Variants in GREB1 observed in about 807,000 individuals in gnomAD.
GREB1 encodes the protein protein GREB1.
In GREB1, 106 loss-of-function variants were observed where a neutral mutation model predicts 200.7. That is an observed-to-expected ratio of 0.53 (90% CI 0.45 to 0.62). GREB1 has a LOEUF of 0.62. Ranked by LOEUF, GREB1 falls within the 20% of genes least tolerant of loss-of-function variation. The probability of loss-of-function intolerance (pLI) is 0.00; values close to 1 mark genes in which losing one functional copy is unlikely to be tolerated. For synonymous variants in GREB1, 1,132 were observed against 1,092.4 expected, an observed-to-expected ratio of 1.04 and a Z score of -0.72; for missense variants, 2,243 against 2,556.8, an observed-to-expected ratio of 0.88 and a Z score of 2.65.
chr2:11,585,116 C>T (rs539573462), intron 7 of GREB1, 45 bp from the exon 8 acceptor site: 2 of 1,053,248 alleles, frequency 1.9e-6, no homozygotes. Context: ...TTTATTGGAG[C>T]CCTGTCCTGG....
At chr2:11,621,049 T>A in intron 23 of GREB1, 42 bp downstream of exon 23, 2 of 1,068,808 alleles carry the variant, frequency 1.9e-6, no homozygotes, top group Non-Finnish European at 2.9e-6. Context: ...GGAGCCACCT[T>A]CATCACTTTC....
intron 1 of GREB1, among the ~76,000 whole-genome samples, chr2:11,555,889 T>C (rs61222790): frequency 0.038 from 5,763 of 152,228 alleles, 232 homozygotes; most frequent in African/African-American, 0.092. Flanking sequence ...CTCAATTAAG[T>C]TGCTACAGAA....
chr2:11,571,862 C>G (rs1048694231), intron 4 of GREB1, among the ~76,000 whole-genome samples: 3 of 152,160 alleles, frequency 2.0e-5, no homozygotes, highest in Non-Finnish European at 2.9e-5. Context: ...AGGCGCCCAC[C>G]ACCACACCCA....
At chr2:11,568,283 A>C (rs1316043487) in intron 4 of GREB1, among the ~76,000 whole-genome samples, 2 of 152,206 alleles carry the variant, frequency 1.3e-5, no homozygotes, top group African/African-American at 2.4e-5. Context: ...CAAAGGATGA[A>C]GAATGGAGAG....
At chr2:11,590,407 G>A (rs557511261) in intron 10 of GREB1, among the ~76,000 whole-genome samples, 12 of 152,132 alleles carry the variant, frequency 7.9e-5, no homozygotes, top group Non-Finnish European at 1.2e-4. Context: ...CTGCCTCCTG[G>A]TCCCACCTGC....
chr2:11,532,769 C>T (rs1379396802), upstream of GREB1, among the ~76,000 whole-genome samples: 1 of 152,100 alleles, frequency 6.6e-6, no homozygotes, highest in African/African-American at 2.4e-5. Flanking sequence ...AAACAGTGTT[C>T]TTGTTATCCA....
rs572765541 is a variant in GREB1 at position 11,482,967 on chromosome 2, G to C, written c.-159+586G>C. Among the ~76,000 whole-genome samples the C allele has an allele frequency of 9.1e-4, 138 of 151,420 alleles. 2 individuals are homozygous for C. The South Asian group carries it at 0.015, about 16-fold the overall frequency. ...GCCGGAGGACAAAGGGCCCGAGGTA[G>C]GAGCGGTCCCTCCGGGCGGCAGCGG... On this transcript the variant is annotated intron_variant, in intron 1 of 2. Coordinates refer to the GREB1 transcript ENST00000628795.
rs1261348425 is a variant in GREB1, at chr2:11,585,789, A to G, written c.1043A>G (p.Gln348Arg). ...AGCGCAGGCATGTCCTGCGTGCCGCAGGTTGGCTTGGTGGGACCAGCTTCA... is the reference window on the plus strand; with the variant it reads ...AGCGCAGGCATGTCCTGCGTGCCGCGGGTTGGCTTGGTGGGACCAGCTTCA... Reference protein sequence around the residue: ...YESAGMSCVPQVGLVGPASVT... With the variant: ...YESAGMSCVPRVGLVGPASVT... Residue 348 changes from glutamine (Q) to arginine (R), a missense_variant, in exon 9 of 33, where the codon CAG becomes CGG. By Grantham distance (43) the Gln-to-Arg change is conservative. Coordinates refer to ENST00000381486, the MANE Select transcript of GREB1 (RefSeq NM_014668.4). 1.2e-6 allele frequency: 2 copies of G among 1,613,536 alleles called. No homozygotes were observed. Among genetic ancestry groups the G allele is most frequent in the East Asian group, 2.2e-5 (1 of 44,888 alleles).
chr2:11,528,487 A>G (rs1673959347), intron 1 of GREB1, among the ~76,000 whole-genome samples: 1 of 152,142 alleles, frequency 6.6e-6, no homozygotes, highest in African/African-American at 2.4e-5. Flanking sequence ...TGTAAAATCT[A>G]TGGTTATAGA....
At chr2:11,626,751 T>C (rs1049088092) in intron 24 of GREB1, among the ~76,000 whole-genome samples, 6 of 152,174 alleles carry the variant, frequency 3.9e-5, no homozygotes, top group African/African-American at 1.4e-4. Flanking sequence ...AGTGCCTTAA[T>C]TAGTTTATTC....
intron 1 of GREB1, among the ~76,000 whole-genome samples, chr2:11,482,994 C>G (rs1033485817): frequency 4.0e-5 from 6 of 151,218 alleles, no homozygotes; most frequent in Non-Finnish European, 8.9e-5. Flanking sequence ...CGGCAGCGGG[C>G]GGAGCGGGGG....
chr2:11,534,719 G>A (rs1272295356), intron 1 of GREB1, among the ~76,000 whole-genome samples: 2 of 152,198 alleles, frequency 1.3e-5, no homozygotes, highest in South Asian at 2.1e-4. Flanking sequence ...GGTAATTAGA[G>A]GGGGATGTGT....
At chr2:11,562,806 G>GCGC in intron 3 of GREB1, 1 of 423,858 alleles carries the variant, frequency 2.4e-6, no homozygotes, top group East Asian at 4.4e-5. Context: ...GGATGCTAAG[G>GCGC]CAGGCCTCTG....
intron 1 of GREB1, among the ~76,000 whole-genome samples, chr2:11,519,865 G>A (rs754596769): frequency 6.6e-6 from 1 of 152,202 alleles, no homozygotes; most frequent in Non-Finnish European, 1.5e-5. Context: ...GGCCAAGCGT[G>A]TTGGCTCACG....
intron 5 of GREB1, among the ~76,000 whole-genome samples, chr2:11,577,308 C>T (rs1678971846): frequency 6.6e-6 from 1 of 152,256 alleles, no homozygotes; most frequent in South Asian, 2.1e-4. Flanking sequence ...ACAGGACGGC[C>T]CCGAGCACAA....
intron 1 of GREB1, among the ~76,000 whole-genome samples, chr2:11,536,224 C>T (rs1237069824): frequency 6.6e-6 from 1 of 152,132 alleles, no homozygotes; most frequent in Non-Finnish European, 1.5e-5. Context: ...GATGAGGCAG[C>T]GGGAACACAG....
intron 4 of GREB1, 119 bp downstream of exon 4, chr2:11,566,775 C>A: frequency 1.2e-6 from 1 of 819,946 alleles, no homozygotes; most frequent in South Asian, 2.0e-5. Flanking sequence ...CCAGGCGCAG[C>A]ATGCAGCCCT....
intron 16 of GREB1, 69 bp downstream of exon 16, chr2:11,601,064 T>A: frequency 7.6e-7 from 1 of 1,319,056 alleles, no homozygotes; most frequent in Non-Finnish European, 1.1e-6. Flanking sequence ...TTACATTTAG[T>A]AACAGCCTTG....
intron 1 of GREB1, among the ~76,000 whole-genome samples, chr2:11,550,355 A>G (rs1675692968): frequency 1.3e-5 from 2 of 152,180 alleles, no homozygotes; most frequent in African/African-American, 2.4e-5. Flanking sequence ...GCATGATTGC[A>G]TTTTAGGGGA....
Sources: gnomAD v4.1 joint callset for allele counts (sites outside exome capture counted in the v4.1 genomes callset) on GRCh38, gnomAD v4.1.1 for gene constraint, MANE v1.5 for transcripts, NCBI Gene and HGNC (gene_info 2026-07-23, HGNC 2026-07-21) for gene names.